Variants in AGBL4 observed in about 807,000 individuals in gnomAD.
The protein encoded by AGBL4 is cytosolic carboxypeptidase 6.
In AGBL4, 58 loss-of-function variants were observed where a neutral mutation model predicts 66.4. That is an observed-to-expected ratio of 0.87 (90% CI 0.71 to 1.09). AGBL4 has a LOEUF of 1.09. AGBL4 is among the 50% of genes least tolerant of loss of function. AGBL4 has a pLI of 0.00. For synonymous variants in AGBL4, 234 were observed against 222.9 expected, an observed-to-expected ratio of 1.05 and a Z score of -0.44; for missense variants, 579 against 631.0, an observed-to-expected ratio of 0.92 and a Z score of 0.88.
At chr1:49,614,785 C>A (rs529337375) in intron 3 of AGBL4, among the ~76,000 whole-genome samples, 1 of 152,238 alleles carries the variant, frequency 6.6e-6, no homozygotes, top group East Asian at 1.9e-4. Flanking sequence ...ACTTGTGCTA[C>A]TACACTATAC....
At chr1:49,400,874 C>A (rs1446564486) in intron 3 of AGBL4, among the ~76,000 whole-genome samples, 1 of 152,094 alleles carries the variant, frequency 6.6e-6, no homozygotes, top group African/African-American at 2.4e-5. Flanking sequence ...ATTTCTCTAG[C>A]TAGGACAATG....
chr1:48,870,325 A>T (rs764459669), intron 5 of AGBL4, among the ~76,000 whole-genome samples: 9 of 151,982 alleles, frequency 5.9e-5, no homozygotes, highest in Non-Finnish European at 1.2e-4. Flanking sequence ...AGGAGAAAGT[A>T]TCATGTACCG....
intron 3 of AGBL4, among the ~76,000 whole-genome samples, chr1:49,452,894 G>A (rs1443349811): frequency 2.6e-5 from 4 of 151,838 alleles, no homozygotes; most frequent in African/African-American, 9.7e-5. Flanking sequence ...GGAGACATAG[G>A]GGAAAGCCCT....
intron 4 of AGBL4, among the ~76,000 whole-genome samples, chr1:49,088,675 C>T (rs1353777800): frequency 6.6e-6 from 1 of 152,094 alleles, no homozygotes; most frequent in Non-Finnish European, 1.5e-5. Context: ...ATCCCATTGA[C>T]AGTATTAGAC....
intron 3 of AGBL4, among the ~76,000 whole-genome samples, chr1:49,556,742 G>A (rs920134239): frequency 2.0e-5 from 3 of 152,030 alleles, no homozygotes; most frequent in Non-Finnish European, 1.5e-5. Flanking sequence ...CATGGGACCT[G>A]GGGCCTCGGA....
chr1:49,409,814 T>A (rs947643471), intron 3 of AGBL4, among the ~76,000 whole-genome samples: 6 of 152,330 alleles, frequency 3.9e-5, no homozygotes, highest in Admixed American at 2.0e-4. Flanking sequence ...TTCTTTGATA[T>A]AATTTCAGCT....
At chr1:49,653,223 C>A (rs989410084) in intron 3 of AGBL4, among the ~76,000 whole-genome samples, 1 of 152,050 alleles carries the variant, frequency 6.6e-6, no homozygotes, top group African/African-American at 2.4e-5. Context: ...CGCAGCAACC[C>A]TAAGGAAGAG....
At chr1:48,537,261 C>T (rs1217304079) in intron 12 of AGBL4, among the ~76,000 whole-genome samples, 1 of 152,054 alleles carries the variant, frequency 6.6e-6, no homozygotes, top group Admixed American at 6.6e-5. Context: ...GAGGTGTGTG[C>T]ATAGGGAGGA....
At chr1:48,952,438 T>A (rs1657073854) in intron 5 of AGBL4, among the ~76,000 whole-genome samples, 1 of 152,172 alleles carries the variant, frequency 6.6e-6, no homozygotes, top group African/African-American at 2.4e-5. Flanking sequence ...GTAAGTAGAA[T>A]GAATTAATGG....
chr1:49,090,451 G>T (rs1571420965), intron 4 of AGBL4, among the ~76,000 whole-genome samples: 1 of 151,980 alleles, frequency 6.6e-6, no homozygotes, highest in East Asian at 1.9e-4. Flanking sequence ...CAATGTCCAA[G>T]CTGAGAACCA....
At chr1:48,657,666 A>C (rs1013225980) in intron 7 of AGBL4, among the ~76,000 whole-genome samples, 38 of 152,204 alleles carry the variant, frequency 2.5e-4, no homozygotes, top group Non-Finnish European at 5.0e-4. Flanking sequence ...GACAGCAAAC[A>C]GTGTGGATAG....
intron 3 of AGBL4, among the ~76,000 whole-genome samples, chr1:49,430,471 C>A (rs565003727): frequency 1.4e-4 from 21 of 152,184 alleles, no homozygotes; most frequent in African/African-American, 5.1e-4. Flanking sequence ...TATCAGCAGA[C>A]CCTAGTATGG....
chr1:48,941,904 T>C (rs187625795), intron 5 of AGBL4, among the ~76,000 whole-genome samples: 9 of 152,300 alleles, frequency 5.9e-5, no homozygotes, highest in Admixed American at 5.9e-4. Flanking sequence ...TCAGGACCTC[T>C]TATGAGGAAA....
At chr1:49,600,754 T>C (rs1644941790) in intron 3 of AGBL4, among the ~76,000 whole-genome samples, 1 of 152,208 alleles carries the variant, frequency 6.6e-6, no homozygotes, top group African/African-American at 2.4e-5. Flanking sequence ...CTACCAGTTG[T>C]TCCTTTACAT....
chr1:49,682,576 C>T (rs1444395961), intron 3 of AGBL4, among the ~76,000 whole-genome samples: 1 of 152,166 alleles, frequency 6.6e-6, no homozygotes, highest in Non-Finnish European at 1.5e-5. Flanking sequence ...CAATAGCTTA[C>T]ATGTTAGTAA....
At chr1:49,052,451 C>T (rs1644236459) in intron 4 of AGBL4, among the ~76,000 whole-genome samples, 1 of 152,178 alleles carries the variant, frequency 6.6e-6, no homozygotes, top group African/African-American at 2.4e-5. Flanking sequence ...TTGGTATATT[C>T]TTCCCCCGTG....
chr1:49,287,690 C>T (rs1644446620), intron 3 of AGBL4, among the ~76,000 whole-genome samples: 4 of 151,906 alleles, frequency 2.6e-5, no homozygotes. Flanking sequence ...GTTAGAATGG[C>T]AATCATCAAA....
intron 3 of AGBL4, among the ~76,000 whole-genome samples, chr1:49,683,676 A>G (rs1646738212): frequency 6.6e-6 from 1 of 152,198 alleles, no homozygotes; most frequent in Non-Finnish European, 1.5e-5. Context: ...ATCCATATCT[A>G]AAAGGTTTTG....
At chr1:49,123,545 A>G (rs916644934) in intron 4 of AGBL4, among the ~76,000 whole-genome samples, 1 of 152,210 alleles carries the variant, frequency 6.6e-6, no homozygotes, top group African/African-American at 2.4e-5. Flanking sequence ...GATTGCTTTT[A>G]TCAATATGGC....
Sources: allele counts gnomAD v4.1 joint callset (sites outside exome capture counted in the v4.1 genomes callset), GRCh38; gene constraint gnomAD v4.1.1; transcripts MANE v1.5; gene names NCBI Gene and HGNC (gene_info 2026-07-23, HGNC 2026-07-21).